Variants in DOCK8 observed in about 807,000 individuals in gnomAD.
The protein encoded by DOCK8 is dedicator of cytokinesis 8, also known as dedicator of cytokinesis protein 8.
Under a neutral mutation model 245.6 loss-of-function variants are expected in DOCK8, and 141 were observed. The observed-to-expected ratio is 0.57, with a 90% CI of 0.50 to 0.66. The LOEUF (loss-of-function observed/expected upper bound fraction) is 0.66. Among genes scored for constraint, DOCK8 ranks in the 30% least tolerant of loss-of-function variants. The pLI is 0.00. For synonymous variants in DOCK8, 1,168 were observed against 970.2 expected, an observed-to-expected ratio of 1.20 and a Z score of -3.79; for missense variants, 2,965 against 2,603.4, an observed-to-expected ratio of 1.14 and a Z score of -3.02.
intron 9 of DOCK8, among the ~76,000 whole-genome samples, chr9:331,408 A>T (rs539828897): frequency 6.6e-6 from 1 of 152,308 alleles, no homozygotes; most frequent in South Asian, 2.1e-4. Flanking sequence ...GCAGATATTC[A>T]TTGAGTAGCC....
intron 4 of DOCK8, among the ~76,000 whole-genome samples, chr9:295,363 A>G (rs989010449): frequency 6.6e-6 from 1 of 152,114 alleles, no homozygotes; most frequent in Non-Finnish European, 1.5e-5. Context: ...ATGATGTAAA[A>G]TCTGCCTTGG....
chr9:388,681 A>G (rs2054059322), intron 23 of DOCK8, among the ~76,000 whole-genome samples: 1 of 151,960 alleles, frequency 6.6e-6, no homozygotes. Context: ...CAGCCTCCAG[A>G]GTAGCTGGGA....
At chr9:410,480 G>T (rs950379322) in intron 28 of DOCK8, among the ~76,000 whole-genome samples, 2 of 152,022 alleles carry the variant, frequency 1.3e-5, no homozygotes, top group Non-Finnish European at 2.9e-5. Context: ...CTATTTGTGG[G>T]TATTGGGTAT....
chr9:283,212 C>T (rs2048665407), intron 2 of DOCK8, among the ~76,000 whole-genome samples: 1 of 152,194 alleles, frequency 6.6e-6, no homozygotes. Context: ...TATTAAATCT[C>T]TAGCCTCGCT....
At chr9:374,658 G>C (rs1160888902) in intron 18 of DOCK8, among the ~76,000 whole-genome samples, 3 of 147,168 alleles carry the variant, frequency 2.0e-5, no homozygotes, top group Non-Finnish European at 4.5e-5. Context: ...TAGAAACAGT[G>C]TCTTGCTATG....
chr9:379,631 CACCAA>C (rs1731241394), intron 20 of DOCK8, 135 bp from the exon 21 acceptor site: 1 of 892,678 alleles, frequency 1.1e-6, no homozygotes, highest in Non-Finnish European at 1.8e-6. Flanking sequence ...TGCCAGAGCT[CACCAA>C]AACCATCTAC....
At chr9:239,390 C>G (rs553950479) in intron 1 of DOCK8, among the ~76,000 whole-genome samples, 1 of 152,146 alleles carries the variant, frequency 6.6e-6, no homozygotes, top group Admixed American at 6.5e-5. Flanking sequence ...TATGGAAAAT[C>G]CTGAGAGTTA....
chr9:266,603 A>C (rs760989086), intron 1 of DOCK8, among the ~76,000 whole-genome samples: 1 of 152,182 alleles, frequency 6.6e-6, no homozygotes, highest in East Asian at 1.9e-4. Flanking sequence ...ACACTTTGCA[A>C]GCTCTACGCT....
intron 1 of DOCK8, among the ~76,000 whole-genome samples, chr9:235,644 G>C (rs1328655928): frequency 6.6e-6 from 1 of 152,190 alleles, no homozygotes; most frequent in East Asian, 1.9e-4. Flanking sequence ...CTTGCAGTTT[G>C]ATCTCAGACT....
Position 336,648 on chromosome 9 carries a change from C to G in DOCK8, c.1352C>G (p.Ser451Cys). Residue 451 changes from serine to cysteine, a missense_variant, in exon 12 of 48, where the codon TCC (serine) becomes TGC (cysteine). By Grantham distance (112) the Ser-to-Cys change is moderately radical (BLOSUM62 -1). Transcript: ENST00000432829. The stretch of plus-strand genomic sequence containing the variant: ...AGAAGGCTTTCTGAAAGAGCCCTCT[C>G]CTTGGAGGAAAATGGGGTTGGATCC... The part of the protein sequence containing the change: ...QSRRLSERAL[S>C]LEENGVGSNF... The G allele has an allele frequency of 6.2e-7, 1 of 1,614,150 alleles. No individual in the cohort carries two copies. Among genetic ancestry groups the G allele is most frequent in the African/African-American group, 1.3e-5 (1 of 75,046 alleles).
intron 36 of DOCK8, among the ~76,000 whole-genome samples, chr9:431,368 A>T (rs2056705322): frequency 6.6e-6 from 1 of 152,174 alleles, no homozygotes; most frequent in African/African-American, 2.4e-5. Context: ...CTCCAAATGT[A>T]TTAGGGATGA....
At chr9:363,921 T>C (rs1295094710) in intron 14 of DOCK8, among the ~76,000 whole-genome samples, 1 of 152,176 alleles carries the variant, frequency 6.6e-6, no homozygotes, top group Non-Finnish European at 1.5e-5. Context: ...GGGCTACTAC[T>C]GTTATGATTT....
chr9:358,095 T>A (rs1292596170), intron 14 of DOCK8, among the ~76,000 whole-genome samples: 1 of 152,208 alleles, frequency 6.6e-6, no homozygotes, highest in African/African-American at 2.4e-5. Context: ...TTTACTTACT[T>A]ATTTCTTGAG....
At chr9:352,865 TG>T (rs1388564954) in intron 14 of DOCK8, among the ~76,000 whole-genome samples, 1 of 151,974 alleles carries the variant, frequency 6.6e-6, no homozygotes, top group Non-Finnish European at 1.5e-5. Context: ...CTGGTATGAG[TG>T]TAGGGAGTGG....
chr9:215,593 T>C (rs2046731712), intron 1 of DOCK8: 9 of 681,014 alleles, frequency 1.3e-5, no homozygotes, highest in Non-Finnish European at 1.9e-5. Flanking sequence ...AAAGGAGCCA[T>C]GAAGTGGAAA....
In DOCK8 at chr9:391,821, CTT is replaced by C. The variant is rs373810616; in HGVS notation, c.2970+1277_2970+1278del. On this transcript the variant is annotated intron_variant, in intron 24 of 47. Coordinates refer to ENST00000432829, the MANE Select transcript of DOCK8 (RefSeq NM_203447.4). Reference sequence around the variant, plus strand: ...CTTTCCCCTGTCCCATTAAGTGAATCTTTTTTTTTTTTTTTTTTTTTTTAAAG... The same window carrying C: ...CTTTCCCCTGTCCCATTAAGTGAATCTTTTTTTTTTTTTTTTTTTTTAAAG... Among the ~76,000 whole-genome samples, 22 of 116,272 alleles carry C rather than the reference CTT, an allele frequency of 1.9e-4. 1 individual carries two copies. Among genetic ancestry groups the C allele is most frequent in the African/African-American group, 4.7e-4 (15 of 32,222 alleles). 76.3% of individuals were successfully genotyped at this position (116,272 alleles called of 152,430 possible).
intron 4 of DOCK8, among the ~76,000 whole-genome samples, chr9:296,206 A>G (rs2049254114): frequency 1.3e-5 from 2 of 152,168 alleles, no homozygotes; most frequent in African/African-American, 4.8e-5. Flanking sequence ...TGTTTGTCCA[A>G]CCTTTTATCT....
chr9:276,467 A>G (rs1336803399), intron 2 of DOCK8, among the ~76,000 whole-genome samples: 1 of 152,250 alleles, frequency 6.6e-6, no homozygotes, highest in Non-Finnish European at 1.5e-5. Context: ...GACTATGTGT[A>G]TAAACATTTT....
intron 4 of DOCK8, among the ~76,000 whole-genome samples, chr9:290,435 G>C (rs1563882054): frequency 6.6e-6 from 1 of 152,146 alleles, no homozygotes; most frequent in African/African-American, 2.4e-5. Context: ...TGAATTCCCA[G>C]GGGGAAAAAT....
Sources: allele counts gnomAD v4.1 joint callset (sites outside exome capture counted in the v4.1 genomes callset), GRCh38; gene constraint gnomAD v4.1.1; transcripts MANE v1.5; gene names NCBI Gene and HGNC (gene_info 2026-07-23, HGNC 2026-07-21).